KAZN: variants seen among roughly 807,000 people sequenced by gnomAD.
KAZN encodes kazrin.
Under a neutral mutation model 87.4 loss-of-function variants are expected in KAZN, and 40 were observed. That is an observed-to-expected ratio of 0.46 (90% CI 0.36 to 0.60). The LOEUF (loss-of-function observed/expected upper bound fraction) is 0.60, where lower values mean the gene tolerates loss of function less well. Ranked by LOEUF, KAZN falls within the 20% of genes least tolerant of loss-of-function variation. The pLI is 0.00. For synonymous variants in KAZN, 466 were observed against 458.3 expected (o/e 1.02, Z -0.22); for missense variants, 898 against 1,073.9 (o/e 0.84, Z 2.29).
At chr1:14,265,373 C>T (rs754441616) in intron 2 of KAZN, among the ~76,000 whole-genome samples, 35 of 152,146 alleles carry the variant, frequency 2.3e-4, no homozygotes, top group Non-Finnish European at 3.4e-4. Context: ...ATACCACCTA[C>T]GCATTATCAC....
At chr1:14,973,081 C>G (rs1323090698) in intron 2 of KAZN, among the ~76,000 whole-genome samples, 2 of 152,050 alleles carry the variant, frequency 1.3e-5, no homozygotes, top group South Asian at 4.2e-4. Flanking sequence ...ACTGAGGCTC[C>G]AAGATCGTAC....
intron 1 of KAZN, among the ~76,000 whole-genome samples, chr1:14,149,061 G>GCCTT (rs537235829): frequency 1.6e-5 from 2 of 128,994 alleles, no homozygotes; most frequent in Non-Finnish European, 3.1e-5. Flanking sequence ...CTGCCTTCCT[G>GCCTT]CCTTCCTTCC....
chr1:14,162,547 C>CTTTTT (rs113937893), intron 1 of KAZN, among the ~76,000 whole-genome samples: 1 of 138,812 alleles, frequency 7.2e-6, no homozygotes, highest in Non-Finnish European at 1.5e-5. Context: ...TTTCTTTTTT[C>CTTTTT]TTTTTTTTTT....
rs755298963 is a variant in KAZN at position 14,728,902 on chromosome 1, G to A, written c.226+129679G>A. ...GAGCGAGCATGTGAGTTTGGCCTCC[G>A]TTTAAACACTCCATAAAGTTTCCTT... On this transcript the variant is annotated intron_variant, in intron 1 of 14. Coordinates refer to ENST00000376030, the MANE Select transcript of KAZN (RefSeq NM_201628.3). Among the ~76,000 whole-genome samples, 31 of 152,132 alleles carry A rather than the reference G, an allele frequency of 2.0e-4. No individual in the cohort carries two copies. In the South Asian group the frequency reaches 2.3e-3, roughly 11 times the overall value.
At chr1:14,758,077 CTTTG>C (rs201431027) in intron 1 of KAZN, among the ~76,000 whole-genome samples, 1,657 of 151,706 alleles carry the variant, frequency 0.011, 14 homozygotes, top group East Asian at 0.04. Context: ...TGCCTCTTGA[CTTTG>C]TTTGTTTGTT....
At chr1:14,083,574 A>C (rs1054014346) in intron 1 of KAZN, among the ~76,000 whole-genome samples, 1 of 152,206 alleles carries the variant, frequency 6.6e-6, no homozygotes, top group Non-Finnish European at 1.5e-5. Context: ...AGCTGATGCT[A>C]ATGCATCTTT....
chr1:14,422,045 T>C (rs1215817866), intron 2 of KAZN, among the ~76,000 whole-genome samples: 1 of 152,242 alleles, frequency 6.6e-6, no homozygotes, highest in Non-Finnish European at 1.5e-5. Flanking sequence ...AAAGTCTGTC[T>C]TGGATATTCC....
chr1:13,960,557 G>A (rs1173569677), intron 1 of KAZN, among the ~76,000 whole-genome samples: 3 of 152,122 alleles, frequency 2.0e-5, no homozygotes, highest in African/African-American at 7.2e-5. Flanking sequence ...GGAACGCTAC[G>A]TGCAGCCACA....
At chr1:14,414,795 A>G (rs747745149) in intron 2 of KAZN, among the ~76,000 whole-genome samples, 12 of 152,098 alleles carry the variant, frequency 7.9e-5, no homozygotes, top group Admixed American at 2.6e-4. Context: ...GAGGCCGAGG[A>G]TGATGGATCA....
In KAZN at chr1:14,383,992, C is replaced by G. The variant is rs369950130; in HGVS notation, c.249+203400C>G. On this transcript the variant is annotated intron_variant, in intron 2 of 16. Coordinates refer to the KAZN transcript ENST00000636203. Reference sequence around the variant, plus strand: ...TGTTTGTATCCTCTTTTATTTCCTTCAGCAGTGGTTTGTAGCTCTGCTTGA... The same window carrying G: ...TGTTTGTATCCTCTTTTATTTCCTTGAGCAGTGGTTTGTAGCTCTGCTTGA... 1.6e-3 allele frequency among the ~76,000 whole-genome samples: 246 copies of G among 152,062 alleles called. 8 individuals are homozygous for G. In the South Asian group the frequency reaches 0.05, roughly 31 times the overall value.
chr1:15,110,481 TTGTG>T (rs769292730), intron 13 of KAZN, among the ~76,000 whole-genome samples: 6,297 of 85,106 alleles, frequency 0.074, 167 homozygotes, highest in Middle Eastern at 0.1. Flanking sequence ...GTTTGTGTAT[TTGTG>T]TGTGTATGTA....
intron 1 of KAZN, among the ~76,000 whole-genome samples, chr1:14,824,422 C>A (rs1646824192): frequency 6.6e-6 from 1 of 152,088 alleles, no homozygotes; most frequent in Admixed American, 6.6e-5. Flanking sequence ...AAATGATAAC[C>A]AATTATGATG....
At chr1:14,696,471 C>T (rs1228648018) in intron 1 of KAZN, among the ~76,000 whole-genome samples, 1 of 152,162 alleles carries the variant, frequency 6.6e-6, no homozygotes, top group African/African-American at 2.4e-5. Context: ...GCTGGTGGAA[C>T]CAGGTCATGG....
chr1:14,433,753 G>A (rs760359858), intron 2 of KAZN, among the ~76,000 whole-genome samples: 6 of 152,180 alleles, frequency 3.9e-5, no homozygotes, highest in African/African-American at 7.2e-5. Context: ...CCAGCTACTC[G>A]GGAGGCTAAG....
intron 1 of KAZN, among the ~76,000 whole-genome samples, chr1:13,951,580 G>A (rs1040750860): frequency 6.6e-6 from 1 of 151,712 alleles, no homozygotes; most frequent in Non-Finnish European, 1.5e-5. Flanking sequence ...CTGAATATTT[G>A]GACAAGCCAC....
At chr1:13,902,245 T>A (rs180710530) in intron 1 of KAZN, among the ~76,000 whole-genome samples, 5 of 152,360 alleles carry the variant, frequency 3.3e-5, no homozygotes, top group African/African-American at 1.2e-4. Flanking sequence ...TTCTTTCTTC[T>A]GAAAGTGCTG....
chr1:14,363,703 A>G (rs1252464153), intron 2 of KAZN, among the ~76,000 whole-genome samples: 4 of 152,158 alleles, frequency 2.6e-5, no homozygotes, highest in African/African-American at 4.8e-5. Flanking sequence ...TGGCTTTAAC[A>G]TTTTTAAAGG....
intron 1 of KAZN, among the ~76,000 whole-genome samples, chr1:14,641,859 C>A (rs1188803797): frequency 1.3e-5 from 2 of 152,322 alleles, no homozygotes; most frequent in Admixed American, 6.5e-5. Context: ...GCAAGAAACA[C>A]TGGTAAGAGA....
intron 1 of KAZN, among the ~76,000 whole-genome samples, chr1:14,046,495 T>TA (rs1443007441): frequency 3.3e-5 from 5 of 152,188 alleles, no homozygotes; most frequent in African/African-American, 1.2e-4. Flanking sequence ...ACTGTCCAAA[T>TA]ACACTCCAAC....
Sources: allele counts gnomAD v4.1 joint callset (sites outside exome capture counted in the v4.1 genomes callset), GRCh38; gene constraint gnomAD v4.1.1; transcripts MANE v1.5; gene names NCBI Gene and HGNC (gene_info 2026-07-23, HGNC 2026-07-21).